NUP133: variants seen among roughly 807,000 people sequenced by gnomAD.
NUP133 encodes the protein nucleoporin 133.
NUP133 carries 66 observed loss-of-function variants against 146.2 expected under a neutral mutation model. The ratio of observed to expected loss-of-function variants is 0.45; its 90% CI spans 0.37 to 0.55. The LOEUF is 0.55. NUP133 is among the 20% of genes least tolerant of loss of function. The pLI is 0.00. For synonymous variants in NUP133, 521 were observed against 498.8 expected (o/e 1.04, Z -0.59); for missense variants, 1,277 against 1,374.8 (o/e 0.93, Z 1.12).
At position 229,463,684 on chromosome 1, in the gene NUP133, A is replaced by C; in HGVS notation, c.2552-8T>G. On this transcript the variant is annotated splice_region_variant and splice_polypyrimidine_tract_variant and intron_variant, in intron 18 of 25. Transcript: ENST00000261396. ...GGTACTGGCCTAGTGAAACTGTGGG[A>C]ATGAGAAAAGATGGGAAAAAATCCT... is the stretch of plus-strand genomic sequence containing the variant. 6.3e-7 allele frequency: 1 copy of C among 1,586,234 alleles called. No homozygotes were observed. Among genetic ancestry groups the C allele is most frequent in the Non-Finnish European group, 8.5e-7 (1 of 1,172,234 alleles).
chr1:229,458,065 C>T, intron 21 of NUP133, 96 bp downstream of exon 21: 1 of 1,303,150 alleles, frequency 7.7e-7, no homozygotes, highest in Non-Finnish European at 1.1e-6. Flanking sequence ...GGTCCTGTTT[C>T]TAAGAGATAG....
At chr1:229,479,588 T>C (rs1558100669) in intron 12 of NUP133, among the ~76,000 whole-genome samples, 1 of 152,142 alleles carries the variant, frequency 6.6e-6, no homozygotes, top group African/African-American at 2.4e-5. Flanking sequence ...TGTTGTTGCT[T>C]TGAACTGAAG....
In NUP133 at chr1:229,464,865, A is replaced by G. The variant is rs1457005202; in HGVS notation, c.2310T>C (p.Gly770=). The change falls in exon 18 of 26, where the codon GGT becomes GGC. Residue 770 remains glycine (G), a synonymous_variant. Coordinates refer to ENST00000261396, the MANE Select transcript of NUP133 (RefSeq NM_018230.3). The stretch of plus-strand genomic sequence containing the variant: ...TTATTACCGTTCGGATGCCACCAGG[A>G]CCACTTGTTGCTGTGAAATTACACA... ...PEYVPWTATS[G]PGGIRTVIIR... 5 of 1,613,840 alleles carry G rather than the reference A, an allele frequency of 3.1e-6. No individual in the cohort carries two copies. Among genetic ancestry groups the G allele is most frequent in the South Asian group, 2.2e-5 (2 of 91,078 alleles).
chr1:229,448,522 C>G, intron 24 of NUP133, among the ~76,000 whole-genome samples: 1 of 152,200 alleles, frequency 6.6e-6, no homozygotes, highest in South Asian at 2.1e-4. Context: ...ATGAATAATG[C>G]ACCCCTTGTT....
Position 229,477,746 on chromosome 1 carries a change from T to C in NUP133, c.1607A>G (p.His536Arg). The change falls in exon 13 of 26, where the codon CAT becomes CGT. Residue 536 changes from histidine to arginine, a missense_variant. His to Arg is a conservative substitution (Grantham distance 29). Transcript: ENST00000261396. ...FLQYCRKDLG[H>R]AQMVVDELFS... is the part of the protein sequence containing the mutation. ...GAGCTCATCAACCACCATTTGAGCA[T>C]GACCTAAATCTTTTCTGAAATAAAA... 3 of 1,612,346 alleles carry C rather than the reference T, an allele frequency of 1.9e-6. No homozygotes were observed. Among genetic ancestry groups the C allele is most frequent in the Non-Finnish European group, 2.5e-6 (3 of 1,179,036 alleles).
At chr1:229,457,235 C>T (rs1029571732) in intron 21 of NUP133, among the ~76,000 whole-genome samples, 1 of 151,902 alleles carries the variant, frequency 6.6e-6, no homozygotes, top group African/African-American at 2.4e-5. Flanking sequence ...ATTAGCATAC[C>T]CATCACCTCA....
rs1344514999 is a variant in NUP133, at chr1:229,440,744, C to A, written c.*1160G>T. Reference sequence around the variant, plus strand: ...CCCTAATGCTGTCCTAACATACAAGCTGCAAAGAGAAAAAGAACAGGCTGC... The same window carrying A: ...CCCTAATGCTGTCCTAACATACAAGATGCAAAGAGAAAAAGAACAGGCTGC... On this transcript the variant is annotated 3_prime_UTR_variant, in exon 26 of 26. Coordinates refer to ENST00000261396, the MANE Select transcript of NUP133 (RefSeq NM_018230.3). The A allele has an allele frequency of 6.6e-6, 1 of 152,372 alleles. No individual in the cohort carries two copies. The highest frequency in any genetic ancestry group is 1.5e-5 in the Non-Finnish European group (1 of 68,156). 9.4% of individuals were successfully genotyped at this position (152,372 alleles called of 1,614,324 possible).
chr1:229,443,977 G>A (rs919485056), intron 25 of NUP133, among the ~76,000 whole-genome samples: 1 of 146,430 alleles, frequency 6.8e-6, no homozygotes, highest in Admixed American at 7.0e-5. Flanking sequence ...CTGGGCTCAA[G>A]TGATTCTCCC....
chr1:229,443,871 G>GGCAT (rs1660239904), intron 25 of NUP133, among the ~76,000 whole-genome samples: 2 of 146,898 alleles, frequency 1.4e-5, no homozygotes, highest in African/African-American at 5.0e-5. Context: ...TGGAAACACA[G>GGCAT]GCATGCACCC....
intron 24 of NUP133, 24 bp from the exon 25 acceptor site, chr1:229,445,026 G>A: frequency 6.6e-7 from 1 of 1,521,342 alleles, no homozygotes; most frequent in Admixed American, 1.7e-5. Flanking sequence ...TCATTATGAG[G>A]GAAAAATGAA....
intron 8 of NUP133, 92 bp downstream of exon 8, chr1:229,495,401 GCA>G: frequency 1.2e-6 from 1 of 830,156 alleles, no homozygotes; most frequent in South Asian, 1.5e-5. Context: ...CAAAGAAAGA[GCA>G]CATAGTGAGA....
At chr1:229,497,906 T>G (rs943018889) in intron 6 of NUP133, among the ~76,000 whole-genome samples, 3 of 152,252 alleles carry the variant, frequency 2.0e-5, no homozygotes, top group African/African-American at 7.2e-5. Context: ...GTTCAAAAAA[T>G]GTACTTGTGA....
intron 13 of NUP133, among the ~76,000 whole-genome samples, chr1:229,477,268 T>A (rs1299369145): frequency 6.6e-6 from 1 of 151,710 alleles, no homozygotes; most frequent in Non-Finnish European, 1.5e-5. Flanking sequence ...TGAAACCCCG[T>A]CTCTACCAAA....
intron 16 of NUP133, among the ~76,000 whole-genome samples, chr1:229,465,739 A>G (rs1206904037): frequency 6.6e-6 from 1 of 151,962 alleles, no homozygotes; most frequent in Admixed American, 6.6e-5. Flanking sequence ...AAATTTTTAA[A>G]ATTACCTGGG....
intron 22 of NUP133, 87 bp downstream of exon 22, chr1:229,452,438 C>A (rs939234613): frequency 7.3e-5 from 68 of 936,932 alleles, no homozygotes; most frequent in Non-Finnish European, 8.0e-5. Flanking sequence ...ACAATAACTC[C>A]TCTTAGGAAC....
intron 12 of NUP133, among the ~76,000 whole-genome samples, chr1:229,479,419 T>C (rs543385524): frequency 1.3e-5 from 2 of 152,344 alleles, no homozygotes; most frequent in East Asian, 3.9e-4. Flanking sequence ...TCTTAATCTC[T>C]TAGGATGCCC....
intron 17 of NUP133, 79 bp from the exon 18 acceptor site, chr1:229,464,954 TATGCCTCTTC>T: frequency 6.5e-7 from 1 of 1,534,194 alleles, no homozygotes. Context: ...GCATAAAAAT[TATGCCTCTTC>T]ATCACTGCTG....
Position 229,502,088 on chromosome 1 carries a change from TCAGC to T in NUP133, c.312_315del (p.Leu105ProfsTer4). 6.2e-7 allele frequency: 1 copy of T among 1,613,638 alleles called. No individual in the cohort carries two copies. The highest frequency in any genetic ancestry group is 8.5e-7 in the Non-Finnish European group (1 of 1,179,666). On this transcript the variant is annotated frameshift_variant, in exon 3 of 26. Coordinates refer to ENST00000261396, the MANE Select transcript of NUP133 (RefSeq NM_018230.3). LOFTEE classifies it high-confidence loss of function. ...CATCCACCTTCATCTATGTTAATGG[TCAGC>T]TGGTCATCGACTAAAGGAAAAAATG...
At chr1:229,449,598 T>C (rs1031128247) in intron 23 of NUP133, among the ~76,000 whole-genome samples, 26 of 151,772 alleles carry the variant, frequency 1.7e-4, no homozygotes, top group South Asian at 2.1e-4. Flanking sequence ...CTCGAACTTC[T>C]GACCTCAGGC....
Sources: allele counts gnomAD v4.1 joint callset (sites outside exome capture counted in the v4.1 genomes callset), GRCh38; gene constraint gnomAD v4.1.1; transcripts MANE v1.5; gene names NCBI Gene and HGNC (gene_info 2026-07-23, HGNC 2026-07-21).